NCKAP5: variants seen among roughly 807,000 people sequenced by gnomAD.
The protein encoded by NCKAP5 is NCK associated protein 5.
NCKAP5 carries 92 observed loss-of-function variants against 167.0 expected under a neutral mutation model. The observed-to-expected ratio is 0.55, with a 90% confidence interval of 0.47 to 0.66. NCKAP5 has a LOEUF of 0.66. Ranked by LOEUF, NCKAP5 falls within the 30% of genes least tolerant of loss-of-function variation. NCKAP5 has a pLI of 0.00. For missense variants in NCKAP5, 2,378 were observed against 2,315.0 expected (o/e 1.03, Z -0.56); for synonymous variants, 891 against 877.4 (o/e 1.02, Z -0.27).
intron 4 of NCKAP5, among the ~76,000 whole-genome samples, chr2:133,284,120 A>T (rs1464994163): frequency 6.6e-6 from 1 of 152,058 alleles, no homozygotes; most frequent in Non-Finnish European, 1.5e-5. Context: ...TGTGAGTATC[A>T]TTTGTCAGAA....
At chr2:133,254,946 C>A (rs955618604) in intron 4 of NCKAP5, among the ~76,000 whole-genome samples, 4 of 151,930 alleles carry the variant, frequency 2.6e-5, no homozygotes, top group Non-Finnish European at 4.4e-5. Context: ...GAAAAAAGAG[C>A]TTTCAGTTAG....
chr2:133,630,331 T>C, the NCKAP5 span, among the ~76,000 whole-genome samples: 1 of 152,122 alleles, frequency 6.6e-6, no homozygotes, highest in Non-Finnish European at 1.5e-5. Context: ...GAGAGGATAA[T>C]AAGTAAAAAC....
chr2:132,690,354 G>A (rs1334065411), intron 19 of NCKAP5, among the ~76,000 whole-genome samples: 2 of 152,184 alleles, frequency 1.3e-5, no homozygotes, highest in East Asian at 3.9e-4. Flanking sequence ...ATAGATTCCA[G>A]CCACCTGCAA....
At chr2:133,286,035 G>T (rs943379127) in intron 4 of NCKAP5, among the ~76,000 whole-genome samples, 2 of 146,988 alleles carry the variant, frequency 1.4e-5, no homozygotes, top group Non-Finnish European at 1.5e-5. Context: ...TTGCTCTGTC[G>T]CCCAGGCTGG....
chr2:133,527,337 G>A (rs1363747551), intron 2 of NCKAP5, among the ~76,000 whole-genome samples: 1 of 152,156 alleles, frequency 6.6e-6, no homozygotes, highest in Non-Finnish European at 1.5e-5. Flanking sequence ...ACACCAAAAT[G>A]ACTCAGGAAA....
intron 11 of NCKAP5, among the ~76,000 whole-genome samples, chr2:132,855,241 C>G (rs16842572): frequency 0.23 from 35,719 of 152,100 alleles, 4,374 homozygotes; most frequent in East Asian, 0.42. Flanking sequence ...TAGTGCATGA[C>G]ACAGAATACC....
the NCKAP5 span, among the ~76,000 whole-genome samples, chr2:133,584,941 AGAAGGAAGGAAGGAAGGAAGGAAG>A: frequency 2.2e-4 from 25 of 113,870 alleles, no homozygotes; most frequent in East Asian, 2.9e-3. Flanking sequence ...AAAAAAAGAA[AGAAGGAAGGAAGGAAGGAAGGAAG>A]GAAGGAAGGA....
chr2:132,838,369 C>T (rs1186421343), intron 11 of NCKAP5, among the ~76,000 whole-genome samples: 5 of 152,120 alleles, frequency 3.3e-5, no homozygotes, highest in Admixed American at 6.5e-5. Context: ...CGGTGGTTCA[C>T]GCCTGTAATC....
chr2:132,932,878 T>A (rs948371353), intron 8 of NCKAP5, among the ~76,000 whole-genome samples: 1 of 151,388 alleles, frequency 6.6e-6, no homozygotes, highest in African/African-American at 2.4e-5. Flanking sequence ...CAGGCGTAGT[T>A]CAATATCAAC....
the NCKAP5 span, among the ~76,000 whole-genome samples, chr2:133,605,136 A>G: frequency 3.3e-5 from 5 of 152,168 alleles, no homozygotes; most frequent in Non-Finnish European, 5.9e-5. Flanking sequence ...TAAGCTCCTT[A>G]GCAGACAGAC....
intron 4 of NCKAP5, among the ~76,000 whole-genome samples, chr2:133,266,714 G>A (rs1277566857): frequency 6.6e-6 from 1 of 152,196 alleles, no homozygotes. Flanking sequence ...GCGCTCCTCC[G>A]CTTTGTTGTG....
intron 6 of NCKAP5, among the ~76,000 whole-genome samples, chr2:133,121,059 CTCTT>C (rs2082235778): frequency 6.6e-6 from 1 of 152,100 alleles, no homozygotes; most frequent in African/African-American, 2.4e-5. Flanking sequence ...CGACCTTTAA[CTCTT>C]TATTTAGATC....
chr2:132,923,332 C>G (rs544249317), intron 8 of NCKAP5, among the ~76,000 whole-genome samples: 1 of 152,142 alleles, frequency 6.6e-6, no homozygotes, highest in Admixed American at 6.5e-5. Flanking sequence ...AGGAATAAAT[C>G]GATGAAGGAA....
At chr2:132,738,624 C>A (rs1441627868) in intron 16 of NCKAP5, among the ~76,000 whole-genome samples, 1 of 152,162 alleles carries the variant, frequency 6.6e-6, no homozygotes, top group African/African-American at 2.4e-5. Context: ...TTGACTATTG[C>A]CTTAGTCCAT....
At chr2:132,795,787 C>G (rs991498148) in intron 12 of NCKAP5, among the ~76,000 whole-genome samples, 3 of 144,322 alleles carry the variant, frequency 2.1e-5, no homozygotes, top group African/African-American at 7.7e-5. Flanking sequence ...CCATTGCACT[C>G]CAGCCAGGGC....
intron 19 of NCKAP5, among the ~76,000 whole-genome samples, chr2:132,699,035 T>C (rs1009753000): frequency 1.3e-5 from 2 of 152,200 alleles, no homozygotes; most frequent in African/African-American, 4.8e-5. Flanking sequence ...GTTTGCCACA[T>C]TGCAGAAGCA....
chr2:133,582,675 G>A, the NCKAP5 span, among the ~76,000 whole-genome samples: 1 of 152,180 alleles, frequency 6.6e-6, no homozygotes, highest in African/African-American at 2.4e-5. Context: ...CCATTTTACA[G>A]ATGGTAAAAA....
chr2:133,060,455 A>T (rs2079959824), intron 6 of NCKAP5, among the ~76,000 whole-genome samples: 1 of 152,216 alleles, frequency 6.6e-6, no homozygotes, highest in African/African-American at 2.4e-5. Flanking sequence ...AGAAAAAAGT[A>T]TTCAATGTCA....
chr2:132,925,227 T>C (rs886999239), intron 8 of NCKAP5, among the ~76,000 whole-genome samples: 1 of 152,040 alleles, frequency 6.6e-6, no homozygotes, highest in African/African-American at 2.4e-5. Context: ...ATCCCTCACA[T>C]GTGAAGGTCA....
Sources: gnomAD v4.1 joint callset for allele counts (sites outside exome capture counted in the v4.1 genomes callset) on GRCh38, gnomAD v4.1.1 for gene constraint, MANE v1.5 for transcripts, NCBI Gene and HGNC (gene_info 2026-07-23, HGNC 2026-07-21) for gene names.